The following PDPR variants were observed in gnomAD, a reference collection of about 807,000 sequenced individuals.
PDPR encodes the protein pyruvate dehydrogenase phosphatase regulatory subunit, also known as pyruvate dehydrogenase phosphatase regulatory subunit, mitochondrial.
Under a neutral mutation model 102.2 loss-of-function variants are expected in PDPR, and 50 were observed. That is an observed-to-expected ratio of 0.49 (90% CI 0.39 to 0.62). The LOEUF is 0.62. PDPR is among the 20% of genes least tolerant of loss of function. The probability of loss-of-function intolerance (pLI) is 0.00; values close to 1 mark genes in which losing one functional copy is unlikely to be tolerated. For missense variants in PDPR, 625 were observed against 1,098.2 expected (o/e 0.57, Z 6.09); for synonymous variants, 259 against 406.0 (o/e 0.64, Z 4.35).
Position 70,158,793 on chromosome 16 carries a change from GAGC to G in PDPR, c.*1917_*1919del, listed in dbSNP as rs1396994337. ...GGCAGATGCAGGCATTACCAGCAGG[GAGC>G]AGACTTACCTCCGAAGATGGAGACA... On this transcript the variant is annotated 3_prime_UTR_variant, in exon 19 of 19. Transcript: ENST00000288050. 6.5e-6 allele frequency: 1 copy of G among 152,946 alleles called. No individual in the cohort carries two copies. The highest frequency in any genetic ancestry group is 1.5e-5 in the Non-Finnish European group (1 of 68,538). 9.5% of individuals were successfully genotyped at this position (152,946 alleles called of 1,614,324 possible).
chr16:70,140,919 G>C (rs1965644419), intron 11 of PDPR, among the ~76,000 whole-genome samples: 1 of 152,264 alleles, frequency 6.6e-6, no homozygotes, highest in African/African-American at 2.4e-5. Flanking sequence ...ACCCCACCTG[G>C]CTTCCTTCTC....
chr16:70,121,130 G>A (rs114536261), intron 3 of PDPR, among the ~76,000 whole-genome samples: 8,788 of 151,818 alleles, frequency 0.058, 254 homozygotes, highest in Non-Finnish European at 0.07. Context: ...TGTAAATAAT[G>A]TGGATTGCAT....
chr16:70,162,465 C>A lies in PDPR; in HGVS notation c.*5586C>A, dbSNP rs566457256. 1 of 152,556 alleles carries A rather than the reference C, an allele frequency of 6.6e-6. No individual in the cohort carries two copies. Among genetic ancestry groups the A allele is most frequent in the Non-Finnish European group, 1.5e-5 (1 of 68,124 alleles). The allele number at this position is 152,556 out of a possible 1,614,324, so 9.5% of individuals were successfully genotyped here. On this transcript the variant is annotated 3_prime_UTR_variant, in exon 19 of 19. Transcript: ENST00000288050. ...AACACTGTGCACTGTCTCCACCAAG[C>A]AAGGTTTCCACTGAGTTTCTTCTCA...
In PDPR at chr16:70,160,620, T is replaced by G. The variant is rs987051584; in HGVS notation, c.*3741T>G. 2.0e-5 allele frequency: 3 copies of G among 152,574 alleles called. No homozygotes were observed. The highest frequency in any genetic ancestry group is 4.4e-5 in the Non-Finnish European group (3 of 68,270). 9.5% of individuals were successfully genotyped at this position (152,574 alleles called of 1,614,324 possible). A position where few individuals can be genotyped will look rare whatever the true frequency, so the allele number is the denominator to read the frequency against. ...CACTGGGAGGCCCACTGGCCTTGGA[T>G]CATCTCCTCATGCACACCCGGAGTT... On this transcript the variant is annotated 3_prime_UTR_variant, in exon 19 of 19. Transcript: ENST00000288050.
intron 3 of PDPR, among the ~76,000 whole-genome samples, chr16:70,124,355 T>C (rs55830212): frequency 0.23 from 33,655 of 143,968 alleles, 1,148 homozygotes; most frequent in Non-Finnish European, 0.31. Context: ...AGAGTGAGAC[T>C]GTCTCAAAAA....
chr16:70,146,036 C>G, intron 15 of PDPR, 98 bp from the exon 16 acceptor site: 1 of 1,455,732 alleles, frequency 6.9e-7, no homozygotes, highest in East Asian at 2.3e-5. Flanking sequence ...TCTCTGCACC[C>G]AGGCCTGGCT....
chr16:70,127,676 T>C (rs139622119), intron 4 of PDPR, among the ~76,000 whole-genome samples: 7,051 of 149,774 alleles, frequency 0.047, 191 homozygotes, highest in African/African-American at 0.17. Context: ...CTTTTGAAAA[T>C]AAGATACCAA....
At position 70,161,500 on chromosome 16, in the gene PDPR, A is replaced by C. The variant is rs1285146574; in HGVS notation, c.*4621A>C. Reference sequence around the variant, plus strand: ...AGGAGAAGCACAGTTGAGTGGAAGAAATGGTAGACTTGTGAGGCTTGCCCC... The same window carrying C: ...AGGAGAAGCACAGTTGAGTGGAAGACATGGTAGACTTGTGAGGCTTGCCCC... On this transcript the variant is annotated 3_prime_UTR_variant, in exon 19 of 19. Transcript: ENST00000288050. 1 of 153,088 alleles carries C rather than the reference A, an allele frequency of 6.5e-6. No individual in the cohort carries two copies. Among genetic ancestry groups the C allele is most frequent in the Non-Finnish European group, 1.5e-5 (1 of 68,686 alleles). 9.5% of individuals were successfully genotyped at this position (153,088 alleles called of 1,614,324 possible).
chr16:70,157,653 G>A lies in PDPR; in HGVS notation c.*774G>A, dbSNP rs2287984. ...CAAGTAAGCCACAGTGTTTGAAAGG[G>A]AAAAACCATATTGCCTTGTGTGTTG... On this transcript the variant is annotated 3_prime_UTR_variant, in exon 19 of 19. Coordinates refer to ENST00000288050, the MANE Select transcript of PDPR (RefSeq NM_017990.5). 0.23 allele frequency: 36,153 copies of A among 157,188 alleles called. 1,160 individuals carry two copies. Among genetic ancestry groups the A allele is most frequent in the Non-Finnish European group, 0.3 (20,957 of 70,696 alleles). The allele number at this position is 157,188 out of a possible 1,614,324, so 9.7% of individuals were successfully genotyped here. A position where few individuals can be genotyped will look rare whatever the true frequency, so the allele number is the denominator to read the frequency against.
At chr16:70,124,322 C>T (rs1963692574) in intron 3 of PDPR, among the ~76,000 whole-genome samples, 1 of 152,384 alleles carries the variant, frequency 6.6e-6, no homozygotes, top group South Asian at 2.1e-4. Flanking sequence ...AAGTTTGTGC[C>T]ACTGCCCTCC....
At chr16:70,118,248 A>T (rs528746895) in intron 2 of PDPR, among the ~76,000 whole-genome samples, 1 of 152,372 alleles carries the variant, frequency 6.6e-6, no homozygotes, top group South Asian at 2.1e-4. Flanking sequence ...TTTCCAGTGG[A>T]TAAAAGAAGG....
rs200919718 is a variant in PDPR, at chr16:70,136,505, C to T, written c.1190+119C>T. 4.9e-3 allele frequency: 4,058 copies of T among 822,316 alleles called. 44 individuals carry two copies. The East Asian group carries it at 0.058, about 12-fold the overall frequency. 50.9% of individuals were successfully genotyped at this position (822,316 alleles called of 1,614,324 possible). A position where few individuals can be genotyped will look rare whatever the true frequency, so the allele number is the denominator to read the frequency against. On this transcript the variant is annotated intron_variant, in intron 10 of 18. Coordinates refer to ENST00000288050, the MANE Select transcript of PDPR (RefSeq NM_017990.5). The stretch of plus-strand genomic sequence containing the variant: ...GTATATTTAATCTAGTATGTTAAGA[C>T]TAATAAGAAGATACATGTAATTTTG...
intron 15 of PDPR, 70 bp downstream of exon 15, chr16:70,144,603 T>G (rs1418217308): frequency 2.0e-6 from 1 of 507,170 alleles, no homozygotes; most frequent in African/African-American, 2.0e-5. Flanking sequence ...TTGCCTTCTT[T>G]ACATTTGACT....
At chr16:70,133,797 G>A (rs1272363800) in intron 9 of PDPR, among the ~76,000 whole-genome samples, 3 of 151,402 alleles carry the variant, frequency 2.0e-5, no homozygotes, top group East Asian at 2.0e-4. Flanking sequence ...GCAATGGTGC[G>A]ATCTCGGCTC....
intron 15 of PDPR, among the ~76,000 whole-genome samples, chr16:70,144,950 T>TC (rs1966098998): frequency 8.6e-6 from 1 of 116,640 alleles, no homozygotes; most frequent in Non-Finnish European, 1.8e-5. Flanking sequence ...AGACTCCATC[T>TC]CAAAAAAAAA....
intron 4 of PDPR, among the ~76,000 whole-genome samples, chr16:70,128,372 C>T (rs1357568678): frequency 3.3e-5 from 5 of 152,232 alleles, no homozygotes; most frequent in Admixed American, 1.3e-4. Context: ...GGATTACAGG[C>T]GTGCACCACC....
chr16:70,125,397 A>AC (rs1555521464), intron 3 of PDPR, among the ~76,000 whole-genome samples: 44 of 149,474 alleles, frequency 2.9e-4, no homozygotes, highest in African/African-American at 1.0e-3. Flanking sequence ...CAAACAAAAA[A>AC]ACAAAAATTA....
intron 17 of PDPR, among the ~76,000 whole-genome samples, chr16:70,148,760 T>A (rs1398294597): frequency 7.2e-5 from 11 of 152,278 alleles, no homozygotes; most frequent in African/African-American, 1.7e-4. Context: ...TTATATAAGT[T>A]TTTTTGAATA....
At position 70,156,540 on chromosome 16, in the gene PDPR, C is replaced by T; in HGVS notation, c.2301C>T (p.Leu767=). 5.0e-6 allele frequency: 8 copies of T among 1,614,078 alleles called. No homozygotes were observed. The highest frequency in any genetic ancestry group is 1.3e-5 in the African/African-American group (1 of 75,072). The change falls in exon 19 of 19, where the codon CTC becomes CTT. Residue 767 remains leucine (L), a synonymous_variant. Transcript: ENST00000288050. ...QQKQNGVYKR[L]TMFILDDHDS... is the part of the protein sequence containing the mutation. The stretch of plus-strand genomic sequence containing the variant: ...AGCAGAATGGAGTGTATAAACGCCT[C>T]ACCATGTTCATCCTGGACGACCATG...
Sources: allele counts gnomAD v4.1 joint callset (sites outside exome capture counted in the v4.1 genomes callset), GRCh38; gene constraint gnomAD v4.1.1; transcripts MANE v1.5; gene names NCBI Gene and HGNC (gene_info 2026-07-23, HGNC 2026-07-21).